The following GRID2 variants were observed in gnomAD, a reference collection of about 807,000 sequenced individuals.
GRID2 encodes the protein glutamate receptor ionotropic, delta-2.
In GRID2, 33 loss-of-function variants were observed where a neutral mutation model predicts 114.8. The ratio of observed to expected loss-of-function variants is 0.29; its 90% confidence interval spans 0.22 to 0.38. The LOEUF (loss-of-function observed/expected upper bound fraction) is 0.38. Among genes scored for constraint, GRID2 ranks in the 10% least tolerant of loss-of-function variants. The probability of loss-of-function intolerance (pLI) is 1.00; values close to 1 mark genes in which losing one functional copy is unlikely to be tolerated. For synonymous variants in GRID2, 505 were observed against 449.9 expected, an observed-to-expected ratio of 1.12 and a Z score of -1.55; for missense variants, 1,184 against 1,257.7, an observed-to-expected ratio of 0.94 and a Z score of 0.89.
At chr4:92,663,714 G>T (rs1252723851) in intron 2 of GRID2, among the ~76,000 whole-genome samples, 2 of 150,854 alleles carry the variant, frequency 1.3e-5, no homozygotes, top group African/African-American at 4.9e-5. Flanking sequence ...CATTAATGTT[G>T]TGCATCCATC....
chr4:92,407,076 G>A (rs1416973350), intron 1 of GRID2, among the ~76,000 whole-genome samples: 1 of 140,786 alleles, frequency 7.1e-6, no homozygotes, highest in Non-Finnish European at 1.6e-5. Flanking sequence ...CATGGTGGCA[G>A]GAGATAGAGA....
chr4:93,682,626 T>G (rs944697978), intron 14 of GRID2, among the ~76,000 whole-genome samples: 2 of 152,044 alleles, frequency 1.3e-5, no homozygotes, highest in African/African-American at 2.4e-5. Context: ...TTCATGTCCT[T>G]TGTAGGGACA....
chr4:93,433,732 T>C (rs773675570), intron 10 of GRID2, among the ~76,000 whole-genome samples: 4 of 152,236 alleles, frequency 2.6e-5, no homozygotes, highest in Non-Finnish European at 4.4e-5. Context: ...CTAATGTCAA[T>C]AGAACTTTCA....
At chr4:92,780,678 C>G (rs776178842) in intron 2 of GRID2, among the ~76,000 whole-genome samples, 117 of 152,016 alleles carry the variant, frequency 7.7e-4, no homozygotes, top group South Asian at 3.9e-3. Flanking sequence ...GATAAGTAAC[C>G]CTGGCAAGGT....
chr4:92,735,661 T>C (rs1736555175), intron 2 of GRID2, among the ~76,000 whole-genome samples: 1 of 152,190 alleles, frequency 6.6e-6, no homozygotes, highest in African/African-American at 2.4e-5. Context: ...ATGTAAGTGC[T>C]ACTCAGACTC....
intron 1 of GRID2, among the ~76,000 whole-genome samples, chr4:92,503,720 C>T (rs577496194): frequency 9.2e-5 from 14 of 152,166 alleles, no homozygotes; most frequent in African/African-American, 2.2e-4. Context: ...TTTCTTATAA[C>T]GCTTATAGTT....
intron 8 of GRID2, among the ~76,000 whole-genome samples, chr4:93,257,867 A>G (rs188035500): frequency 1.6e-4 from 24 of 151,202 alleles, no homozygotes; most frequent in Admixed American, 1.1e-3. Flanking sequence ...AATTTTATTC[A>G]CTGCTTATTG....
intron 2 of GRID2, among the ~76,000 whole-genome samples, chr4:92,909,269 T>C (rs1032823563): frequency 1.1e-4 from 16 of 146,690 alleles, no homozygotes. Context: ...TTTTTCTTTT[T>C]TTTTTTCAAG....
At chr4:92,653,395 A>T (rs1035317194) in intron 2 of GRID2, among the ~76,000 whole-genome samples, 1 of 151,614 alleles carries the variant, frequency 6.6e-6, no homozygotes, top group Non-Finnish European at 1.5e-5. Flanking sequence ...TTTCGGTTAC[A>T]TACACACAAA....
intron 2 of GRID2, among the ~76,000 whole-genome samples, chr4:92,770,387 C>G (rs1030922259): frequency 2.0e-4 from 31 of 152,148 alleles, no homozygotes; most frequent in African/African-American, 7.2e-4. Flanking sequence ...TCTGAGCCCT[C>G]CAAACTGTTC....
At chr4:92,793,273 T>A (rs1446037542) in intron 2 of GRID2, among the ~76,000 whole-genome samples, 1 of 151,818 alleles carries the variant, frequency 6.6e-6, no homozygotes, top group Non-Finnish European at 1.5e-5. Flanking sequence ...TTTTGCCTAA[T>A]TTTTATGCCA....
intron 2 of GRID2, among the ~76,000 whole-genome samples, chr4:92,961,379 ATTTTTT>A (rs34933712): frequency 7.3e-6 from 1 of 137,660 alleles, no homozygotes; most frequent in African/African-American, 2.6e-5. Context: ...ATCCCCTCAA[ATTTTTT>A]TTTTTTTTTG....
intron 14 of GRID2, among the ~76,000 whole-genome samples, chr4:93,746,929 T>A (rs1324509981): frequency 1.3e-5 from 2 of 152,122 alleles, no homozygotes; most frequent in African/African-American, 4.8e-5. Flanking sequence ...GTCACAGATT[T>A]TTTACAGAAG....
At chr4:92,866,705 G>A (rs1028165934) in intron 2 of GRID2, among the ~76,000 whole-genome samples, 6 of 150,980 alleles carry the variant, frequency 4.0e-5, no homozygotes, top group Admixed American at 6.6e-5. Context: ...CACCATGCCC[G>A]GCTAATTTTT....
At chr4:92,881,165 A>G (rs1745983372) in intron 2 of GRID2, among the ~76,000 whole-genome samples, 1 of 152,118 alleles carries the variant, frequency 6.6e-6, no homozygotes, top group Non-Finnish European at 1.5e-5. Context: ...GGCCTCCCAC[A>G]GTGCGGGGAT....
chr4:92,486,748 T>C (rs1263293774), intron 1 of GRID2, among the ~76,000 whole-genome samples: 1 of 151,720 alleles, frequency 6.6e-6, no homozygotes, highest in Admixed American at 6.6e-5. Context: ...AAAACATAAT[T>C]CAAATAAAAA....
chr4:93,275,324 A>T (rs1393722232), intron 8 of GRID2, among the ~76,000 whole-genome samples: 3 of 151,882 alleles, frequency 2.0e-5, no homozygotes, highest in African/African-American at 7.2e-5. Context: ...TAATTAATAA[A>T]CATTTCAGTT....
chr4:93,081,480 C>T (rs1729863670), intron 2 of GRID2, among the ~76,000 whole-genome samples: 1 of 152,068 alleles, frequency 6.6e-6, no homozygotes, highest in Non-Finnish European at 1.5e-5. Context: ...AGAGTGACCA[C>T]AAAGGGCAAA....
intron 2 of GRID2, among the ~76,000 whole-genome samples, chr4:92,895,384 C>CATATATATATATATATACATATATAT (rs1747089956): frequency 9.2e-6 from 1 of 108,144 alleles, no homozygotes; most frequent in African/African-American, 5.0e-5. Context: ...ATGTAGAAAA[C>CATATATATATATATATACATATATAT]ATATATATAT....
Sources: allele counts gnomAD v4.1 joint callset (sites outside exome capture counted in the v4.1 genomes callset), GRCh38; gene constraint gnomAD v4.1.1; transcripts MANE v1.5; gene names NCBI Gene and HGNC (gene_info 2026-07-23, HGNC 2026-07-21).